UTRN: variants seen among roughly 807,000 people sequenced by gnomAD.
UTRN encodes the protein utrophin, also known as dystrophin-related protein 1.
UTRN carries 283 observed loss-of-function variants against 463.9 expected under a neutral mutation model. That is an observed-to-expected ratio of 0.61 (90% CI 0.55 to 0.67). The LOEUF (loss-of-function observed/expected upper bound fraction) is 0.67. Among genes scored for constraint, UTRN ranks in the 30% least tolerant of loss-of-function variants. UTRN has a pLI of 0.00. For missense variants in UTRN, 3,922 were observed against 4,084.3 expected, an observed-to-expected ratio of 0.96 and a Z score of 1.08; for synonymous variants, 1,442 against 1,431.5, an observed-to-expected ratio of 1.01 and a Z score of -0.17.
chr6:144,525,975 A>G (rs1487924220), intron 41 of UTRN, among the ~76,000 whole-genome samples: 1 of 152,060 alleles, frequency 6.6e-6, no homozygotes, highest in East Asian at 1.9e-4. Flanking sequence ...TTTCGTTTCC[A>G]TATATTTGCA....
chr6:144,473,915 G>A, intron 24 of UTRN, 82 bp downstream of exon 24: 1 of 967,416 alleles, frequency 1.0e-6, no homozygotes, highest in Non-Finnish European at 1.6e-6. Context: ...TATTAAAATT[G>A]TGAGAATATA....
intron 3 of UTRN, among the ~76,000 whole-genome samples, chr6:144,418,466 G>A (rs1016548540): frequency 3.3e-5 from 5 of 151,140 alleles, no homozygotes; most frequent in Non-Finnish European, 7.4e-5. Context: ...CTCGTGGTCC[G>A]CCCGCCTCGG....
chr6:144,730,371 G>C lies in UTRN; in HGVS notation c.7824G>C (p.Glu2608Asp). Residue 2608 changes from glutamate to aspartate, a missense_variant, in exon 54 of 75, where the codon GAG (glutamate) becomes GAC (aspartate). Around this residue, in one of 3 missense-constraint regions of UTRN, gnomAD observed 1,309 missense variants for 1,452.6 expected, o/e 0.90. Coordinates refer to ENST00000367545, the MANE Select transcript of UTRN (RefSeq NM_007124.3). ...TCTTTTGAAAGGCCCTGAGACGGGAGTTAAAGGAGAAAGAATATTCTGTCC... is the reference window on the plus strand; with the variant it reads ...TCTTTTGAAAGGCCCTGAGACGGGACTTAAAGGAGAAAGAATATTCTGTCC... ...QYDHCKALRR[E>D]LKEKEYSVLN... The C allele has an allele frequency of 6.2e-7, 1 of 1,605,826 alleles. No homozygotes were observed. Among genetic ancestry groups the C allele is most frequent in the Non-Finnish European group, 8.5e-7 (1 of 1,175,816 alleles).
At chr6:144,615,953 A>AT (rs1297782807) in intron 51 of UTRN, among the ~76,000 whole-genome samples, 1 of 152,064 alleles carries the variant, frequency 6.6e-6, no homozygotes, top group Non-Finnish European at 1.5e-5. Context: ...CATTTTAAAA[A>AT]TTTTTAACCA....
intron 26 of UTRN, among the ~76,000 whole-genome samples, chr6:144,481,839 C>T (rs973731979): frequency 6.6e-6 from 1 of 152,228 alleles, no homozygotes; most frequent in African/African-American, 2.4e-5. Flanking sequence ...GGGTGGATCA[C>T]CTCAGGTCAG....
rs78166007 is a variant in UTRN, at chr6:144,702,084, A to G, written c.7809+1841A>G. Among the ~76,000 whole-genome samples the G allele has an allele frequency of 7.9e-5, 12 of 152,360 alleles. No individual in the cohort carries two copies. In the East Asian group the frequency reaches 2.1e-3, roughly 27 times the overall value. Reference sequence around the variant, plus strand: ...GTTACAGTATTAGGGATGAAACAGAATAACACAAAGCTCTTCTAATAGATG... The same window carrying G: ...GTTACAGTATTAGGGATGAAACAGAGTAACACAAAGCTCTTCTAATAGATG... On this transcript the variant is annotated intron_variant, in intron 53 of 74. Transcript: ENST00000367545.
At chr6:144,354,934 G>A (rs1406711499) in intron 2 of UTRN, among the ~76,000 whole-genome samples, 2 of 152,156 alleles carry the variant, frequency 1.3e-5, no homozygotes, top group Admixed American at 6.5e-5. Flanking sequence ...TGGTCATTGT[G>A]TATGTTTGAG....
intron 2 of UTRN, among the ~76,000 whole-genome samples, chr6:144,340,776 T>C (rs1041024849): frequency 4.6e-5 from 7 of 152,216 alleles, no homozygotes; most frequent in African/African-American, 1.7e-4. Context: ...CACCGTGTAA[T>C]CTAGCAGAAG....
chr6:144,410,909 T>C (rs57360253), intron 3 of UTRN, among the ~76,000 whole-genome samples: 5,368 of 152,282 alleles, frequency 0.035, 289 homozygotes, highest in African/African-American at 0.11. Flanking sequence ...ATTGTGCTGC[T>C]ATAAACATGC....
At chr6:144,440,567 A>T (rs949093726) in intron 13 of UTRN, 96 bp downstream of exon 13, 2 of 1,543,140 alleles carry the variant, frequency 1.3e-6, no homozygotes, top group Non-Finnish European at 1.8e-6. Context: ...CTCATTCTTT[A>T]TCCAGAAGGG....
Position 144,438,796 on chromosome 6 carries a change from C to T in UTRN, c.1293C>T (p.Ser431=), listed in dbSNP as rs772140906. The T allele has an allele frequency of 2.4e-5, 39 of 1,614,168 alleles. No homozygotes were observed. The highest frequency in any genetic ancestry group is 2.0e-4 in the Admixed American group (12 of 60,018). Residue 431 remains serine (S), a synonymous_variant, in exon 12 of 75, where the codon TCC becomes TCT. Coordinates refer to ENST00000367545, the MANE Select transcript of UTRN (RefSeq NM_007124.3). ...AGAAGAAGCAACTGCAGCAGCTCTC[C>T]GCCTGGTTAACACTCACAGAGGAGC... The part of the protein sequence containing the change: ...ELQKKQLQQL[S]AWLTLTEERI...
In UTRN at chr6:144,666,573, A is replaced by T. The variant is rs190312269; in HGVS notation, c.7480-11833A>T. Among the ~76,000 whole-genome samples, 214 of 152,332 alleles carry T rather than the reference A, an allele frequency of 1.4e-3. 2 individuals carry two copies. Among genetic ancestry groups the T allele is most frequent in the African/African-American group, 3.6e-3 (150 of 41,574 alleles). ...CTGTGAGGATACAGAAGAAATATTAAGATGATTTTCTGTTTTGAGGCACTC... is the reference window on the plus strand; with the variant it reads ...CTGTGAGGATACAGAAGAAATATTATGATGATTTTCTGTTTTGAGGCACTC... On this transcript the variant is annotated intron_variant, in intron 51 of 74. Transcript: ENST00000367545.
chr6:144,821,147 T>G, intron 66 of UTRN, 129 bp downstream of exon 66: 1 of 1,192,220 alleles, frequency 8.4e-7, no homozygotes. Context: ...AAACTTGGAA[T>G]CAGTCTTCAC....
At chr6:144,611,370 G>C (rs936767081) in intron 51 of UTRN, among the ~76,000 whole-genome samples, 5 of 152,174 alleles carry the variant, frequency 3.3e-5, no homozygotes, top group Non-Finnish European at 7.4e-5. Flanking sequence ...TAGCCAGAGC[G>C]ATTAGGGAAG....
chr6:144,456,052 A>G (rs1190652397), intron 19 of UTRN, among the ~76,000 whole-genome samples: 1 of 152,162 alleles, frequency 6.6e-6, no homozygotes. Context: ...TTAGAAATGC[A>G]TTCATTAGAG....
At chr6:144,629,125 T>TA (rs926168554) in intron 51 of UTRN, among the ~76,000 whole-genome samples, 1 of 152,206 alleles carries the variant, frequency 6.6e-6, no homozygotes, top group Non-Finnish European at 1.5e-5. Flanking sequence ...GACTGTGACA[T>TA]ACAAATCTTC....
rs551080149 is a variant in UTRN at position 144,639,748 on chromosome 6, C to T, written c.7480-38658C>T. ...TTTTTGAATCATGAAGCTGTATAAA[C>T]AGACAAGGTGATCTGTGTTGTGTTA... On this transcript the variant is annotated intron_variant, in intron 51 of 74. Transcript: ENST00000367545. 7.5e-4 allele frequency among the ~76,000 whole-genome samples: 114 copies of T among 151,806 alleles called. No homozygotes were observed. In the South Asian group the frequency reaches 0.022, roughly 30 times the overall value.
chr6:144,754,533 T>TTC (rs1315391442), intron 56 of UTRN, among the ~76,000 whole-genome samples, 187 bp from the exon 57 acceptor site: 1 of 142,596 alleles, frequency 7.0e-6, no homozygotes, highest in African/African-American at 2.6e-5. Flanking sequence ...GAAGGAGTCT[T>TTC]TTTTTTTTTT....
intron 43 of UTRN, among the ~76,000 whole-genome samples, chr6:144,533,497 T>C (rs941485790): frequency 6.6e-6 from 1 of 152,284 alleles, no homozygotes; most frequent in African/African-American, 2.4e-5. Context: ...TCCTTTTATT[T>C]ACAACTGCTT....
Sources: gnomAD v4.1 joint callset for allele counts (sites outside exome capture counted in the v4.1 genomes callset) on GRCh38, gnomAD v4.1.1 for gene constraint, gnomAD v4.1.1 regional missense constraint, MANE v1.5 for transcripts, NCBI Gene and HGNC (gene_info 2026-07-23, HGNC 2026-07-21) for gene names.